The following RARB variants were observed in gnomAD, a reference collection of about 807,000 sequenced individuals.
RARB encodes HBV-activated protein.
A neutral mutation model predicts 51.9 loss-of-function variants in RARB; 17 were observed. The ratio of observed to expected loss-of-function variants is 0.33; its 90% CI spans 0.22 to 0.49. RARB has a LOEUF of 0.49. RARB is among the 20% of genes least tolerant of loss of function. The pLI is 0.99. For synonymous variants in RARB, 215 were observed against 195.4 expected, an observed-to-expected ratio of 1.10 and a Z score of -0.84; for missense variants, 369 against 550.8, an observed-to-expected ratio of 0.67 and a Z score of 3.30.
intron 3 of RARB, among the ~76,000 whole-genome samples, chr3:25,542,678 A>G (rs1699434737): frequency 6.6e-6 from 1 of 152,234 alleles, no homozygotes; most frequent in South Asian, 2.1e-4. Context: ...AAAAGTCATC[A>G]TCCCTTTGCC....
chr3:25,539,110 C>G (rs1045389669), intron 3 of RARB, among the ~76,000 whole-genome samples: 40 of 152,320 alleles, frequency 2.6e-4, no homozygotes, highest in African/African-American at 8.7e-4. Context: ...TAGATACCAA[C>G]AAGCTGGCCA....
At chr3:25,568,093 A>G (rs1210376129) in intron 3 of RARB, among the ~76,000 whole-genome samples, 1 of 152,132 alleles carries the variant, frequency 6.6e-6, no homozygotes, top group Non-Finnish European at 1.5e-5. Flanking sequence ...CTGCACTGGG[A>G]AAGAATACAG....
intron 2 of RARB, among the ~76,000 whole-genome samples, chr3:24,952,439 T>C (rs1297876244): frequency 6.6e-6 from 1 of 152,192 alleles, no homozygotes; most frequent in Non-Finnish European, 1.5e-5. Context: ...TTTCCTTTAC[T>C]AAAATGTATT....
At chr3:25,283,465 G>A (rs936952468) in intron 5 of RARB, among the ~76,000 whole-genome samples, 1 of 152,194 alleles carries the variant, frequency 6.6e-6, no homozygotes, top group African/African-American at 2.4e-5. Context: ...CAGTTCCTCT[G>A]TATCTCAACA....
chr3:24,889,355 G>C (rs542230338), intron 2 of RARB, among the ~76,000 whole-genome samples: 248 of 152,252 alleles, frequency 1.6e-3, no homozygotes, highest in African/African-American at 5.7e-3. Context: ...AGCCAAAGCA[G>C]GAGAGAAAAT....
intron 5 of RARB, among the ~76,000 whole-genome samples, chr3:25,294,712 G>T (rs1456069325): frequency 1.1e-5 from 1 of 87,246 alleles, no homozygotes; most frequent in African/African-American, 7.2e-5. Context: ...CCTTCCAACG[G>T]CCCGTTGGCG....
intron 5 of RARB, among the ~76,000 whole-genome samples, chr3:25,221,695 T>C (rs1011233431): frequency 6.6e-6 from 1 of 152,192 alleles, no homozygotes; most frequent in East Asian, 1.9e-4. Context: ...CCCATCTCTT[T>C]TTAACCAAAT....
At chr3:25,088,324 C>T (rs1052380142) in intron 3 of RARB, among the ~76,000 whole-genome samples, 1 of 152,102 alleles carries the variant, frequency 6.6e-6, no homozygotes, top group Admixed American at 6.6e-5. Context: ...GTGGCTTTCC[C>T]AACTCCATTG....
At chr3:25,565,668 A>G (rs914676771) in intron 3 of RARB, among the ~76,000 whole-genome samples, 11 of 152,178 alleles carry the variant, frequency 7.2e-5, no homozygotes, top group Non-Finnish European at 1.5e-4. Flanking sequence ...ACCATTTTTC[A>G]TATCAGTCTC....
At chr3:25,208,483 A>G (rs1267512233) in intron 5 of RARB, among the ~76,000 whole-genome samples, 1 of 152,028 alleles carries the variant, frequency 6.6e-6, no homozygotes, top group Non-Finnish European at 1.5e-5. Flanking sequence ...ATATTTAAAC[A>G]TTCTATCAAT....
chr3:25,339,047 G>A (rs1274128176), intron 5 of RARB, among the ~76,000 whole-genome samples: 1 of 152,146 alleles, frequency 6.6e-6, no homozygotes, highest in Non-Finnish European at 1.5e-5. Context: ...CACTTGAAAG[G>A]TCTATGTTCT....
intron 5 of RARB, among the ~76,000 whole-genome samples, chr3:25,346,338 C>CT (rs1299537638): frequency 6.6e-6 from 1 of 152,026 alleles, no homozygotes; most frequent in Non-Finnish European, 1.5e-5. Flanking sequence ...TTTTAATAAC[C>CT]TTTAGGGTTA....
intron 5 of RARB, chr3:25,260,014 C>T (rs900719975): frequency 5.0e-5 from 49 of 983,746 alleles, no homozygotes; most frequent in African/African-American, 2.4e-4. Flanking sequence ...GTTTTTGAAA[C>T]GTTTTTCCCC....
chr3:25,077,169 T>A (rs763791106), intron 3 of RARB, among the ~76,000 whole-genome samples: 20 of 152,242 alleles, frequency 1.3e-4, no homozygotes, highest in Non-Finnish European at 2.2e-4. Context: ...CCTGTTTTCC[T>A]AAACTACTCC....
chr3:24,910,923 A>G (rs1048220251), intron 2 of RARB, among the ~76,000 whole-genome samples: 26 of 152,224 alleles, frequency 1.7e-4, no homozygotes, highest in Admixed American at 6.5e-5. Flanking sequence ...ACTAGATTTT[A>G]TGCACAGCTA....
chr3:25,242,089 T>C (rs1702445900), intron 5 of RARB, among the ~76,000 whole-genome samples: 1 of 152,248 alleles, frequency 6.6e-6, no homozygotes, highest in South Asian at 2.1e-4. Flanking sequence ...CATATGTTTT[T>C]TGGCCACATA....
At chr3:25,527,531 T>G (rs1244126993) in intron 3 of RARB, among the ~76,000 whole-genome samples, 1 of 152,216 alleles carries the variant, frequency 6.6e-6, no homozygotes, top group Non-Finnish European at 1.5e-5. Context: ...GTCTGTGAAC[T>G]GGAGTTTCCT....
At chr3:25,217,496 A>C (rs1207260445) in intron 5 of RARB, among the ~76,000 whole-genome samples, 1 of 150,760 alleles carries the variant, frequency 6.6e-6, no homozygotes, top group African/African-American at 2.4e-5. Flanking sequence ...GCCTACTCCC[A>C]CCCCCCCCAA....
intron 4 of RARB, among the ~76,000 whole-genome samples, chr3:25,162,742 G>A (rs943135689): frequency 6.6e-5 from 10 of 152,164 alleles, no homozygotes; most frequent in African/African-American, 2.4e-4. Flanking sequence ...CCATGTAATA[G>A]AACAATCCCT....
Sources: allele counts gnomAD v4.1 joint callset (sites outside exome capture counted in the v4.1 genomes callset), GRCh38; gene constraint gnomAD v4.1.1; transcripts MANE v1.5; gene names NCBI Gene and HGNC (gene_info 2026-07-23, HGNC 2026-07-21).